Variants in CASK observed in about 807,000 individuals in gnomAD.
The protein encoded by CASK is calcium/calmodulin dependent serine protein kinase, also known as peripheral plasma membrane protein CASK.
In CASK, 4 loss-of-function variants were observed where a neutral mutation model predicts 82.9. The ratio of observed to expected loss-of-function variants is 0.05; its 90% CI spans 0.02 to 0.11. CASK has a LOEUF of 0.11. CASK is among the 10% of genes least tolerant of loss of function. The pLI is 1.00. For synonymous variants in CASK, 259 were observed against 253.5 expected (o/e 1.02, Z -0.20); for missense variants, 358 against 720.9 (o/e 0.50, Z 5.76).
intron 5 of CASK, chrX:41,697,389 C>T (rs942079655): frequency 3.4e-5 from 4 of 119,088 alleles, no homozygotes; most frequent in African/African-American, 1.3e-4. Context: ...GTCTTAAAAC[C>T]ACACCTTACT....
intron 11 of CASK, among the ~76,000 whole-genome samples, chrX:41,618,295 C>A (rs1202005503): frequency 3.6e-5 from 4 of 111,779 alleles, no homozygotes; most frequent in Non-Finnish European, 7.5e-5. Flanking sequence ...CCTGTCTCTG[C>A]AGGCAAGTGT....
chrX:41,583,905 C>T (rs1340547539), intron 14 of CASK: 2 of 111,462 alleles, frequency 1.8e-5, no homozygotes, highest in Non-Finnish European at 3.8e-5. Flanking sequence ...CCATGTCTGG[C>T]TAGTTTATTT....
At chrX:41,912,127 A>G (rs1183314833) in intron 1 of CASK, among the ~76,000 whole-genome samples, 2 of 107,565 alleles carry the variant, frequency 1.9e-5, no homozygotes, top group Non-Finnish European at 3.8e-5. Flanking sequence ...TTCTCAGCAA[A>G]CTAACACAGG....
chrX:41,908,191 T>C (rs1440490185), intron 1 of CASK, among the ~76,000 whole-genome samples: 1 of 111,697 alleles, frequency 9.0e-6, no homozygotes, highest in African/African-American at 3.3e-5. Flanking sequence ...GCCAACATGG[T>C]GAAACCCCGT....
At chrX:41,686,585 G>C (rs1421873208) in intron 5 of CASK, among the ~76,000 whole-genome samples, 1 of 110,984 alleles carries the variant, frequency 9.0e-6, no homozygotes, top group Non-Finnish European at 1.9e-5. Flanking sequence ...GACGCAACTC[G>C]TTTGGGACCC....
chrX:41,610,891 C>A (rs1228193448), intron 11 of CASK, among the ~76,000 whole-genome samples: 2 of 111,512 alleles, frequency 1.8e-5, no homozygotes, highest in Non-Finnish European at 3.8e-5. Context: ...ATATACTCCA[C>A]AAAAAAAGAG....
At chrX:41,727,472 C>A (rs1310284199) in intron 5 of CASK, 1 of 1,209,120 alleles carries the variant, frequency 8.3e-7, no homozygotes, top group South Asian at 1.8e-5. Flanking sequence ...TTTCGCCAGC[C>A]CAACTTTGCT....
intron 21 of CASK, chrX:41,552,608 C>T (rs769284480): frequency 8.9e-6 from 1 of 111,880 alleles, no homozygotes; most frequent in East Asian, 2.8e-4. Flanking sequence ...TGCTTTCCTC[C>T]TGCTTATGCT....
intron 6 of CASK, among the ~76,000 whole-genome samples, chrX:41,667,494 C>T (rs1472437864): frequency 8.9e-6 from 1 of 112,112 alleles, no homozygotes; most frequent in East Asian, 2.8e-4. Context: ...TTTGATAATA[C>T]AATAAAACCT....
At chrX:41,922,862 T>C (rs1327239210) in intron 1 of CASK, 68 bp downstream of exon 1, 1 of 1,013,299 alleles carries the variant, frequency 9.9e-7, no homozygotes, top group Non-Finnish European at 1.4e-6. Flanking sequence ...CCCGAGCGGG[T>C]GCGGGAAGAC....
At chrX:41,557,438 C>T (rs922575018) in intron 18 of CASK, among the ~76,000 whole-genome samples, 2 of 111,203 alleles carry the variant, frequency 1.8e-5, no homozygotes, top group Admixed American at 9.6e-5. Context: ...CATAAATTAT[C>T]GTGCTGAAGA....
intron 14 of CASK, among the ~76,000 whole-genome samples, chrX:41,579,075 C>T (rs1416506339): frequency 9.0e-6 from 1 of 111,641 alleles, no homozygotes; most frequent in Non-Finnish European, 1.9e-5. Flanking sequence ...ATAGAGTTGG[C>T]AAATTTGTGC....
chrX:41,759,873 T>C (rs1042271481), intron 3 of CASK, among the ~76,000 whole-genome samples: 4 of 112,217 alleles, frequency 3.6e-5, no homozygotes, highest in Admixed American at 9.5e-5. Context: ...AATGTCCATC[T>C]AGATAACAAA....
chrX:41,598,113 G>A (rs758961834), intron 12 of CASK, among the ~76,000 whole-genome samples: 14 of 105,590 alleles, frequency 1.3e-4, no homozygotes, highest in South Asian at 4.1e-4. Flanking sequence ...CACTCCAGCC[G>A]GAGTGACAGA....
chrX:41,695,635 T>C (rs1569403433), intron 5 of CASK: 1 of 1,176,741 alleles, frequency 8.5e-7, no homozygotes, highest in Non-Finnish European at 1.2e-6. Flanking sequence ...CAGAAGACAA[T>C]GAGAAGTCAT....
intron 25 of CASK, among the ~76,000 whole-genome samples, chrX:41,528,159 G>C (rs2064741110): frequency 8.9e-6 from 1 of 112,494 alleles, no homozygotes; most frequent in African/African-American, 3.2e-5. Context: ...TCACAATTAT[G>C]TTAAGCCTTG....
At chrX:41,763,594 C>T (rs915533885) in intron 3 of CASK, among the ~76,000 whole-genome samples, 5 of 111,058 alleles carry the variant, frequency 4.5e-5, no homozygotes, top group Non-Finnish European at 9.4e-5. Flanking sequence ...CCCAGGTGGT[C>T]GAGGCTGCAG....
At chrX:41,739,048 T>A (rs181729331) in intron 5 of CASK, among the ~76,000 whole-genome samples, 917 of 112,144 alleles carry the variant, frequency 8.2e-3, no homozygotes, top group Non-Finnish European at 0.013. Flanking sequence ...ATAAACCAAA[T>A]TCTAATTTCC....
intron 5 of CASK, among the ~76,000 whole-genome samples, chrX:41,710,896 T>G (rs895542285): frequency 2.7e-5 from 3 of 112,199 alleles, no homozygotes; most frequent in Non-Finnish European, 3.8e-5. Context: ...AGTTTCTGGA[T>G]AGCTGAACTT....
Sources: gnomAD v4.1 joint callset for allele counts (sites outside exome capture counted in the v4.1 genomes callset) on GRCh38, gnomAD v4.1.1 for gene constraint, MANE v1.5 for transcripts, NCBI Gene and HGNC (gene_info 2026-07-23, HGNC 2026-07-21) for gene names.